Variants in HIPK2 observed in about 807,000 individuals in gnomAD.
HIPK2 encodes homeodomain interacting protein kinase 2.
Under a neutral mutation model 113.7 loss-of-function variants are expected in HIPK2, and 27 were observed. That is an observed-to-expected ratio of 0.24 (90% CI 0.17 to 0.33). HIPK2 has a LOEUF of 0.33. HIPK2 is among the 10% of genes least tolerant of loss of function. The pLI is 1.00. For synonymous variants in HIPK2, 631 were observed against 642.2 expected, an observed-to-expected ratio of 0.98 and a Z score of 0.26; for missense variants, 1,257 against 1,588.0, an observed-to-expected ratio of 0.79 and a Z score of 3.54.
At chr7:139,693,658 G>A (rs538754758) in intron 2 of HIPK2, among the ~76,000 whole-genome samples, 7 of 150,926 alleles carry the variant, frequency 4.6e-5, no homozygotes, top group Non-Finnish European at 1.0e-4. Context: ...ATTCCCCTTC[G>A]TCCTCTACTC....
chr7:139,657,784 A>C (rs1801723337), intron 2 of HIPK2, among the ~76,000 whole-genome samples: 1 of 152,234 alleles, frequency 6.6e-6, no homozygotes. Context: ...ACAAAAACAG[A>C]AACATGGCAC....
chr7:139,702,177 T>C (rs933329251), intron 2 of HIPK2, among the ~76,000 whole-genome samples: 1 of 152,104 alleles, frequency 6.6e-6, no homozygotes, highest in Non-Finnish European at 1.5e-5. Flanking sequence ...GGCAGCCTGA[T>C]CGTAAGCTCA....
intron 2 of HIPK2, among the ~76,000 whole-genome samples, chr7:139,704,876 C>G (rs1045902751): frequency 5.9e-5 from 9 of 152,164 alleles, no homozygotes; most frequent in Non-Finnish European, 1.3e-4. Flanking sequence ...GAAGCAGCAG[C>G]CTGGAGGTGC....
chr7:139,710,497 A>G (rs1288333941), intron 2 of HIPK2, among the ~76,000 whole-genome samples: 5 of 152,236 alleles, frequency 3.3e-5, no homozygotes, highest in African/African-American at 1.2e-4. Flanking sequence ...TTGAATGACC[A>G]AACATTTAAA....
chr7:139,777,545 A>T, intron 1 of HIPK2, 60 bp downstream of exon 1: 1 of 834,916 alleles, frequency 1.2e-6, no homozygotes, highest in Non-Finnish European at 1.5e-6. Context: ...GGGCAGAACA[A>T]AGCTGCGGGG....
At chr7:139,590,551 A>G (rs1467512800) in intron 12 of HIPK2, among the ~76,000 whole-genome samples, 2 of 152,242 alleles carry the variant, frequency 1.3e-5, no homozygotes, top group African/African-American at 4.8e-5. Flanking sequence ...TTCTGATTTC[A>G]TAGTCAATGC....
At chr7:139,653,365 G>T (rs570565255) in intron 2 of HIPK2, among the ~76,000 whole-genome samples, 1 of 151,710 alleles carries the variant, frequency 6.6e-6, no homozygotes, top group African/African-American at 2.4e-5. Flanking sequence ...CTGTAAACAT[G>T]AGTAACTGGA....
chr7:139,631,506 C>T lies in HIPK2; in HGVS notation c.1227+96G>A, dbSNP rs540428797. 3 of 1,536,266 alleles carry T rather than the reference C, an allele frequency of 2.0e-6. No individual in the cohort carries two copies. Among genetic ancestry groups the T allele is most frequent in the Admixed American group, 2.0e-5 (1 of 50,464 alleles). ...GGGAGACAACGTGACATTCCACAGTCCCGCCCATTTGTCATGTAATCAATG... is the reference window on the plus strand; with the variant it reads ...GGGAGACAACGTGACATTCCACAGTTCCGCCCATTTGTCATGTAATCAATG... On this transcript the variant is annotated intron_variant, in intron 3 of 14. Transcript: ENST00000406875. The surrounding 1 kb of genome is among the most constrained non-coding windows in gnomAD (Gnocchi z 4.9).
chr7:139,756,478 G>A (rs915878024), intron 1 of HIPK2, among the ~76,000 whole-genome samples: 2 of 152,228 alleles, frequency 1.3e-5, no homozygotes, highest in Non-Finnish European at 2.9e-5. Flanking sequence ...AGGCTGGAGT[G>A]CAGTGGTGCA....
rs1181829827 is a variant in HIPK2 at position 139,634,674 on chromosome 7, GTTTTT to G, written c.1104-2954_1104-2950del. Among the ~76,000 whole-genome samples the G allele has an allele frequency of 2.3e-3, 259 of 113,642 alleles. 8 individuals are homozygous for G. The highest frequency in any genetic ancestry group is 9.7e-3 in the African/African-American group (242 of 24,876). 74.6% of individuals were successfully genotyped at this position (113,642 alleles called of 152,430 possible). On this transcript the variant is annotated intron_variant, in intron 2 of 14. Transcript: ENST00000406875. ...AAAAAGAAGGGACTATCTGTTTCAGGTTTTTTTTTTTTTTTTTTTTTGAGACAGAG... is the reference window on the plus strand; with the variant it reads ...AAAAAGAAGGGACTATCTGTTTCAGGTTTTTTTTTTTTTTTTGAGACAGAG...
At chr7:139,701,155 C>G (rs983582862) in intron 2 of HIPK2, among the ~76,000 whole-genome samples, 4 of 152,164 alleles carry the variant, frequency 2.6e-5, no homozygotes, top group African/African-American at 7.2e-5. Context: ...AGTGAACCGG[C>G]ATCACTCCAG....
intron 2 of HIPK2, among the ~76,000 whole-genome samples, chr7:139,644,004 C>G (rs1454163061): frequency 6.6e-6 from 1 of 152,154 alleles, no homozygotes; most frequent in African/African-American, 2.4e-5. Context: ...ACAGTGTCAC[C>G]AGGCCACGCT....
At chr7:139,657,870 AT>A (rs1801726541) in intron 2 of HIPK2, among the ~76,000 whole-genome samples, 1 of 152,222 alleles carries the variant, frequency 6.6e-6, no homozygotes, top group Non-Finnish European at 1.5e-5. Flanking sequence ...TGATTGACTT[AT>A]TTTGTGTCAC....
intron 1 of HIPK2, among the ~76,000 whole-genome samples, chr7:139,749,250 C>T (rs138206329): frequency 1.2e-4 from 18 of 152,334 alleles, no homozygotes; most frequent in East Asian, 3.9e-4. Context: ...GCTCATCAGA[C>T]GTGATTGTCA....
chr7:139,625,041 C>A (rs1380355926), intron 6 of HIPK2, among the ~76,000 whole-genome samples: 1 of 152,210 alleles, frequency 6.6e-6, no homozygotes, highest in Non-Finnish European at 1.5e-5. Context: ...GAAGCAGAAG[C>A]TGTCTGACAG....
intron 1 of HIPK2, among the ~76,000 whole-genome samples, chr7:139,748,195 C>T (rs190547198): frequency 9.8e-5 from 15 of 152,316 alleles, no homozygotes; most frequent in African/African-American, 3.4e-4. Context: ...CCCATCTGAG[C>T]CGCTTCTCTG....
intron 2 of HIPK2, among the ~76,000 whole-genome samples, chr7:139,673,343 T>C (rs1802372441): frequency 6.6e-6 from 1 of 152,312 alleles, no homozygotes; most frequent in East Asian, 1.9e-4. Context: ...CGGAGCCGCA[T>C]TCTCTCGCAT....
At chr7:139,598,278 G>A (rs1799292337) in intron 11 of HIPK2, among the ~76,000 whole-genome samples, 1 of 152,176 alleles carries the variant, frequency 6.6e-6, no homozygotes, top group African/African-American at 2.4e-5. Context: ...GCACCTTCTA[G>A]CTAAAGGGAT....
At chr7:139,652,191 A>C (rs1379315470) in intron 2 of HIPK2, among the ~76,000 whole-genome samples, 1 of 152,204 alleles carries the variant, frequency 6.6e-6, no homozygotes, top group Non-Finnish European at 1.5e-5. Context: ...TTTTTGGAAA[A>C]GGAATGTGAT....
Sources: gnomAD v4.1 joint callset for allele counts (sites outside exome capture counted in the v4.1 genomes callset) on GRCh38, gnomAD v4.1.1 for gene constraint, Gnocchi (gnomAD v3.1) non-coding constraint, MANE v1.5 for transcripts, NCBI Gene and HGNC (gene_info 2026-07-23, HGNC 2026-07-21) for gene names.